LRRC49: variants seen among roughly 807,000 people sequenced by gnomAD.
LRRC49 encodes the protein leucine-rich repeat-containing protein 49.
LRRC49 carries 50 observed loss-of-function variants against 83.3 expected under a neutral mutation model. The observed-to-expected ratio is 0.60, with a 90% CI of 0.48 to 0.76. The LOEUF is 0.76. Among genes scored for constraint, LRRC49 ranks in the 30% least tolerant of loss-of-function variants. The pLI is 0.00. For synonymous variants in LRRC49, 286 were observed against 283.3 expected (o/e 1.01, Z -0.10); for missense variants, 704 against 809.1 (o/e 0.87, Z 1.58).
chr15:70,898,295 A>G, intron 3 of LRRC49: 2 of 642,444 alleles, frequency 3.1e-6, no homozygotes, highest in Non-Finnish European at 5.6e-6. Flanking sequence ...CACACGCAAA[A>G]TAGATTTTCA....
At chr15:70,859,674 T>C (rs563935488) in intron 1 of LRRC49, 10 of 657,390 alleles carry the variant, frequency 1.5e-5, no homozygotes, top group East Asian at 1.1e-4. Context: ...CAGGCTGAGA[T>C]TAAGGGCCTC....
At chr15:70,963,679 C>T (rs2036689654) in intron 8 of LRRC49, 106 bp from the exon 9 acceptor site, 2 of 1,308,028 alleles carry the variant, frequency 1.5e-6, no homozygotes, top group Non-Finnish European at 2.1e-6. Flanking sequence ...ACTATCTTCT[C>T]AATTTTTCTG....
At chr15:71,031,728 A>G (rs538244087) in intron 14 of LRRC49, among the ~76,000 whole-genome samples, 1 of 152,208 alleles carries the variant, frequency 6.6e-6, no homozygotes, top group East Asian at 1.9e-4. Flanking sequence ...AGGAATCTAG[A>G]GAAGCAGTCT....
Position 70,915,985 on chromosome 15 carries a change from A to T in LRRC49, c.568-3065A>T, listed in dbSNP as rs1450316475. 2.0e-5 allele frequency among the ~76,000 whole-genome samples: 3 copies of T among 152,218 alleles called. 1 individual carries two copies. Among genetic ancestry groups the T allele is most frequent in the Non-Finnish European group, 4.4e-5 (3 of 68,036 alleles). ...TTAGACATCTGAGAAAAGTTCTTTTAGCTAACATCTGCTTTGAAGTGTTAG... is the reference window on the plus strand; with the variant it reads ...TTAGACATCTGAGAAAAGTTCTTTTTGCTAACATCTGCTTTGAAGTGTTAG... On this transcript the variant is annotated intron_variant, in intron 6 of 15. Transcript: ENST00000260382.
At chr15:70,859,207 T>G in intron 1 of LRRC49, 2 of 1,455,018 alleles carry the variant, frequency 1.4e-6, no homozygotes, top group African/African-American at 1.4e-5. Flanking sequence ...AGGTGGAGCT[T>G]GGCAACATGC....
intron 1 of LRRC49, chr15:70,859,636 C>G (rs578074353): frequency 1.6e-6 from 1 of 639,534 alleles, no homozygotes; most frequent in South Asian, 1.4e-5. Flanking sequence ...CTGAGATCTC[C>G]GAGATGAACT....
At chr15:70,883,601 TAA>T (rs994731703) in intron 2 of LRRC49, among the ~76,000 whole-genome samples, 5 of 152,092 alleles carry the variant, frequency 3.3e-5, no homozygotes, top group African/African-American at 9.7e-5. Context: ...TTTAATAAGA[TAA>T]GTGACTTTTA....
At chr15:70,938,552 A>T (rs1189707137) in intron 8 of LRRC49, among the ~76,000 whole-genome samples, 2 of 152,090 alleles carry the variant, frequency 1.3e-5, no homozygotes, top group East Asian at 1.9e-4. Flanking sequence ...TAGTGAATAT[A>T]TTGGGTCTGA....
At chr15:70,907,673 T>C (rs2034373123) in intron 5 of LRRC49, among the ~76,000 whole-genome samples, 1 of 152,170 alleles carries the variant, frequency 6.6e-6, no homozygotes, top group Admixed American at 6.5e-5. Flanking sequence ...AAGCTAAGCC[T>C]TCATATAGGT....
intron 3 of LRRC49, among the ~76,000 whole-genome samples, chr15:70,899,455 G>A (rs999343212): frequency 6.6e-6 from 1 of 151,802 alleles, no homozygotes; most frequent in South Asian, 2.1e-4. Flanking sequence ...GTTGCTTTTA[G>A]GTATCCTGCT....
chr15:71,044,074 G>T (rs1366480369), intron 15 of LRRC49, among the ~76,000 whole-genome samples: 1 of 152,100 alleles, frequency 6.6e-6, no homozygotes, highest in Non-Finnish European at 1.5e-5. Flanking sequence ...ACTCACACTT[G>T]TCCTTCTTTG....
intron 8 of LRRC49, among the ~76,000 whole-genome samples, chr15:70,963,516 A>G (rs2036682149): frequency 6.6e-6 from 1 of 152,100 alleles, no homozygotes; most frequent in African/African-American, 2.4e-5. Flanking sequence ...GAAAAAGGAC[A>G]TTAGGTAAAA....
At chr15:70,854,056 C>A in intron 1 of LRRC49, 2 of 1,403,028 alleles carry the variant, frequency 1.4e-6, no homozygotes. Context: ...CCGTCTTGGG[C>A]CCGGGCCGAG....
At position 70,902,717 on chromosome 15, in the gene LRRC49, G is replaced by T. The variant is rs547536657; in HGVS notation, c.296+1693G>T. Among the ~76,000 whole-genome samples, 385 of 152,280 alleles carry T rather than the reference G, an allele frequency of 2.5e-3. 1 individual carries two copies. The highest frequency in any genetic ancestry group is 8.7e-3 in the African/African-American group (360 of 41,552). On this transcript the variant is annotated intron_variant, in intron 4 of 15. Coordinates refer to ENST00000260382, the MANE Select transcript of LRRC49 (RefSeq NM_017691.5). ...GGAAGAGCTAGGCTCTGGCTGTTTT[G>T]GGAGTTAGGTTAGGCCTGGAGTACC... is the stretch of plus-strand genomic sequence containing the variant.
chr15:70,906,384 C>T (rs529914503), intron 5 of LRRC49, among the ~76,000 whole-genome samples: 3 of 152,236 alleles, frequency 2.0e-5, no homozygotes, highest in East Asian at 1.9e-4. Flanking sequence ...CGTGAGCCAC[C>T]GCGCCCAGCC....
At chr15:70,903,105 T>TG (rs1231812562) in intron 4 of LRRC49, among the ~76,000 whole-genome samples, 1 of 152,020 alleles carries the variant, frequency 6.6e-6, no homozygotes, top group Non-Finnish European at 1.5e-5. Context: ...AAATAGAAGT[T>TG]GGGGGGTATC....
intron 6 of LRRC49, among the ~76,000 whole-genome samples, chr15:70,912,187 A>G (rs571468631): frequency 6.6e-6 from 1 of 152,256 alleles, no homozygotes; most frequent in Non-Finnish European, 1.5e-5. Context: ...CCATGGTAAG[A>G]CTATACAAAA....
At chr15:71,031,092 G>C (rs758969423) in intron 14 of LRRC49, among the ~76,000 whole-genome samples, 3 of 152,086 alleles carry the variant, frequency 2.0e-5, no homozygotes, top group Non-Finnish European at 4.4e-5. Context: ...TTCTGGTTTT[G>C]GGAATTTTCA....
chr15:70,929,583 C>T (rs896260284), intron 7 of LRRC49, among the ~76,000 whole-genome samples: 2 of 152,106 alleles, frequency 1.3e-5, no homozygotes, highest in African/African-American at 4.8e-5. Flanking sequence ...TGAAATTTGC[C>T]TCATTGACCC....
Sources: gnomAD v4.1 joint callset for allele counts (sites outside exome capture counted in the v4.1 genomes callset) on GRCh38, gnomAD v4.1.1 for gene constraint, MANE v1.5 for transcripts, NCBI Gene and HGNC (gene_info 2026-07-23, HGNC 2026-07-21) for gene names.